The following BPIFB1 variants were observed in gnomAD, a reference collection of about 807,000 sequenced individuals.
The protein encoded by BPIFB1 is BPI fold containing family B member 1, also known as BPI fold-containing family B member 1.
In BPIFB1, 34 loss-of-function variants were observed where a neutral mutation model predicts 55.1. The ratio of observed to expected loss-of-function variants is 0.62; its 90% CI spans 0.47 to 0.82. The LOEUF (loss-of-function observed/expected upper bound fraction) is 0.82, where lower values mean the gene tolerates loss of function less well. BPIFB1 is among the 40% of genes least tolerant of loss of function. The pLI, the probability that BPIFB1 is intolerant of heterozygous loss-of-function variation, is 0.00. For synonymous variants in BPIFB1, 236 were observed against 245.3 expected, an observed-to-expected ratio of 0.96 and a Z score of 0.35; for missense variants, 532 against 593.1, an observed-to-expected ratio of 0.90 and a Z score of 1.07.
At chr20:33,287,020 G>A (rs950307300) in intron 2 of BPIFB1, among the ~76,000 whole-genome samples, 1 of 152,216 alleles carries the variant, frequency 6.6e-6, no homozygotes, top group African/African-American at 2.4e-5. Flanking sequence ...ATGGCCAGAG[G>A]GGCAGGGGCA....
At chr20:33,298,794 CTTTTTTT>C (rs11421243) in intron 7 of BPIFB1, 3 of 146,356 alleles carry the variant, frequency 2.0e-5, no homozygotes, top group African/African-American at 7.7e-5. Context: ...TTCCTTTTTT[CTTTTTTT>C]TTTTTTTAAT....
chr20:33,303,221 G>A (rs1371512661), intron 11 of BPIFB1, 147 bp downstream of exon 11: 30 of 975,022 alleles, frequency 3.1e-5, no homozygotes, highest in Non-Finnish European at 4.4e-5. Context: ...CCAAGAGCCA[G>A]GAGCTTTGTG....
chr20:33,306,252 C>T (rs915518977), intron 14 of BPIFB1, among the ~76,000 whole-genome samples, 187 bp downstream of exon 14: 1 of 152,034 alleles, frequency 6.6e-6, no homozygotes, highest in Non-Finnish European at 1.5e-5. Flanking sequence ...AGGCTGGGCT[C>T]GTAAAGATGA....
At position 33,291,922 on chromosome 20, in the gene BPIFB1, G is replaced by A; in HGVS notation, c.531G>A (p.Val177=). 6.2e-7 allele frequency: 1 copy of A among 1,614,188 alleles called. No homozygotes were observed. The highest frequency in any genetic ancestry group is 8.5e-7 in the Non-Finnish European group (1 of 1,180,014). The change falls in exon 6 of 16, where the codon GTG becomes GTA. Residue 177 remains valine (V), a synonymous_variant. Transcript: ENST00000253354. ...IQLLHKLSFL[V]NALAKQVMNL... is the part of the protein sequence containing the mutation. Reference sequence around the variant, plus strand: ...TCCCTGAAAGGCTCTCCTTCCTGGTGAACGCCTTAGCTAAGCAGGTCATGA... The same window carrying A: ...TCCCTGAAAGGCTCTCCTTCCTGGTAAACGCCTTAGCTAAGCAGGTCATGA...
At chr20:33,297,676 G>A (rs1447150379) in intron 7 of BPIFB1, 88 bp downstream of exon 7, 1 of 1,402,702 alleles carries the variant, frequency 7.1e-7, no homozygotes, top group South Asian at 1.2e-5. Context: ...GCCTCCCCAA[G>A]TCAGGCCTGA....
At chr20:33,291,885 C>G in intron 5 of BPIFB1, 22 bp from the exon 6 acceptor site, 1 of 1,606,670 alleles carries the variant, frequency 6.2e-7, no homozygotes, top group South Asian at 1.1e-5. Flanking sequence ...CCTAATGTCT[C>G]TCGTGCTCTC....
intron 6 of BPIFB1, 54 bp downstream of exon 6, chr20:33,292,042 T>C (rs562771255): frequency 6.5e-7 from 1 of 1,541,288 alleles, no homozygotes; most frequent in South Asian, 1.1e-5. Context: ...CCTGTGGGGC[T>C]TGGGTGGAAC....
Position 33,309,816 on chromosome 20 carries a change from T to C in BPIFB1, c.*49T>C, listed in dbSNP as rs752213054. ...GAAGGCTGGGTCCCAGCTGGGAGTA[T>C]GGGTGTGAGCTCTATAGACCATCCC... On this transcript the variant is annotated 3_prime_UTR_variant, in exon 16 of 16. Transcript: ENST00000253354. The surrounding 1 kb of genome is among the most constrained non-coding windows in gnomAD (Gnocchi z 4.4). 2 of 1,526,934 alleles carry C rather than the reference T, an allele frequency of 1.3e-6. No homozygotes were observed. Among genetic ancestry groups the C allele is most frequent in the Non-Finnish European group, 1.8e-6 (2 of 1,101,868 alleles). 94.6% of individuals were successfully genotyped at this position (1,526,934 alleles called of 1,614,324 possible). A position where few individuals can be genotyped will look rare whatever the true frequency, so the allele number is the denominator to read the frequency against.
intron 7 of BPIFB1, among the ~76,000 whole-genome samples, chr20:33,298,436 C>T (rs535971109): frequency 6.6e-6 from 1 of 152,246 alleles, no homozygotes; most frequent in African/African-American, 2.4e-5. Context: ...AGTCTACCAA[C>T]TGCACTTTGG....
At chr20:33,291,851 A>C in intron 5 of BPIFB1, 56 bp from the exon 6 acceptor site, 2 of 1,493,722 alleles carry the variant, frequency 1.3e-6, no homozygotes. Flanking sequence ...AAAATAGAGG[A>C]AGGGGTGATC....
intron 8 of BPIFB1, 62 bp downstream of exon 8, chr20:33,300,046 G>A (rs1046406830): frequency 1.4e-6 from 2 of 1,400,156 alleles, no homozygotes; most frequent in African/African-American, 2.8e-5. Context: ...TGACCACCAG[G>A]AGTCAGATAG....
At chr20:33,301,550 C>A in intron 9 of BPIFB1, 138 bp downstream of exon 9, 1 of 735,484 alleles carries the variant, frequency 1.4e-6, no homozygotes, top group Non-Finnish European at 2.1e-6. Context: ...CTAATAGACC[C>A]TGCCTCTGAC....
rs1286932079 is a variant in BPIFB1 at position 33,308,817 on chromosome 20, TAC to T, written c.1396-881_1396-880del. 1.3e-4 allele frequency among the ~76,000 whole-genome samples: 18 copies of T among 136,902 alleles called. 1 individual carries two copies. The highest frequency in any genetic ancestry group is 2.2e-4 in the East Asian group (1 of 4,526). 89.8% of individuals were successfully genotyped at this position (136,902 alleles called of 152,430 possible). A position where few individuals can be genotyped will look rare whatever the true frequency, so the allele number is the denominator to read the frequency against. ...ATACACACACCACACACATACACAC[TAC>T]ACACACACATACACACACACATAAT... On this transcript the variant is annotated intron_variant, in intron 15 of 15. Coordinates refer to ENST00000253354, the MANE Select transcript of BPIFB1 (RefSeq NM_033197.3).
chr20:33,285,583 T>C (rs1357255875), intron 1 of BPIFB1, among the ~76,000 whole-genome samples: 1 of 149,928 alleles, frequency 6.7e-6, no homozygotes, highest in Non-Finnish European at 1.5e-5. Context: ...CCTGGCGCGG[T>C]GGTGGGTGTC....
chr20:33,295,759 A>T (rs950947411), intron 6 of BPIFB1, among the ~76,000 whole-genome samples: 2 of 147,648 alleles, frequency 1.4e-5, no homozygotes, highest in African/African-American at 5.0e-5. Flanking sequence ...AGAGAGAAAG[A>T]GAGAGAGAAG....
intron 15 of BPIFB1, chr20:33,307,211 T>C: frequency 2.2e-6 from 1 of 452,648 alleles, no homozygotes; most frequent in East Asian, 3.5e-5. Flanking sequence ...CACCCCCTTG[T>C]CATTCATTCA....
At chr20:33,284,384 C>T (rs1980197215) in intron 1 of BPIFB1, among the ~76,000 whole-genome samples, 2 of 152,114 alleles carry the variant, frequency 1.3e-5, no homozygotes, top group African/African-American at 4.8e-5. Context: ...TTCGGGGCTT[C>T]CAGAGGCTAT....
At chr20:33,301,865 G>A (rs12624408) in intron 9 of BPIFB1, among the ~76,000 whole-genome samples, 27,554 of 152,022 alleles carry the variant, frequency 0.18, 2,758 homozygotes, top group Middle Eastern at 0.23. Flanking sequence ...GGGCACAGCC[G>A]ATAACCACCA....
intron 7 of BPIFB1, 35 bp from the exon 8 acceptor site, chr20:33,299,864 C>T (rs1386023579): frequency 6.3e-7 from 1 of 1,599,406 alleles, no homozygotes; most frequent in Admixed American, 1.7e-5. Context: ...TACTGCCCTC[C>T]ACCCTCACAG....
Sources: gnomAD v4.1 joint callset for allele counts (sites outside exome capture counted in the v4.1 genomes callset) on GRCh38, gnomAD v4.1.1 for gene constraint, Gnocchi (gnomAD v3.1) non-coding constraint, MANE v1.5 for transcripts, NCBI Gene and HGNC (gene_info 2026-07-23, HGNC 2026-07-21) for gene names.